The following CACNB2 variants were observed in gnomAD, a reference collection of about 807,000 sequenced individuals.
The protein encoded by CACNB2 is voltage-dependent L-type calcium channel subunit beta-2.
A neutral mutation model predicts 73.3 loss-of-function variants in CACNB2; 42 were observed. The observed-to-expected ratio is 0.57, with a 90% CI of 0.45 to 0.74. The LOEUF is 0.74. Among genes scored for constraint, CACNB2 ranks in the 30% least tolerant of loss-of-function variants. CACNB2 has a pLI of 0.00. For missense variants in CACNB2, 940 were observed against 853.0 expected (o/e 1.10, Z -1.27); for synonymous variants, 348 against 310.3 (o/e 1.12, Z -1.28).
At chr10:18,157,988 G>C (rs2032183762) in intron 2 of CACNB2, among the ~76,000 whole-genome samples, 1 of 152,046 alleles carries the variant, frequency 6.6e-6, no homozygotes, top group African/African-American at 2.4e-5. Context: ...TTGTGATACT[G>C]TTTGGCATCC....
rs1433865085 is a variant in CACNB2, at chr10:18,382,691, C to T, written c.214-19233C>T. Among the ~76,000 whole-genome samples the T allele has an allele frequency of 2.6e-5, 4 of 152,236 alleles. No homozygotes were observed. The South Asian group carries it at 8.3e-4, about 32-fold the overall frequency. On this transcript the variant is annotated intron_variant, in intron 2 of 13. Coordinates refer to ENST00000324631, the MANE Select transcript of CACNB2 (RefSeq NM_201596.3). ...TGCTGAGGATCATGGCTTCTAGCTC[C>T]ATCCATGTCCCTGCAAAGGACATGA...
chr10:18,192,438 C>T (rs1249010498), intron 2 of CACNB2, among the ~76,000 whole-genome samples: 1 of 152,120 alleles, frequency 6.6e-6, no homozygotes, highest in Admixed American at 6.6e-5. Context: ...GCCGCCAACT[C>T]CTGGGCTCAA....
intron 2 of CACNB2, among the ~76,000 whole-genome samples, chr10:18,214,980 A>G (rs1040856357): frequency 9.8e-5 from 15 of 152,318 alleles, no homozygotes; most frequent in African/African-American, 3.6e-4. Context: ...AGTAATACGA[A>G]TTATTTACAT....
chr10:18,436,330 T>C (rs1339448800), intron 3 of CACNB2, among the ~76,000 whole-genome samples: 1 of 152,200 alleles, frequency 6.6e-6, no homozygotes, highest in Non-Finnish European at 1.5e-5. Flanking sequence ...ACCCAGAAAT[T>C]TTGGCAAGAA....
intron 2 of CACNB2, among the ~76,000 whole-genome samples, chr10:18,152,554 G>A (rs2031652941): frequency 6.6e-6 from 1 of 151,756 alleles, no homozygotes; most frequent in Non-Finnish European, 1.5e-5. Context: ...AGGGCCTTGG[G>A]ACATAGTGAC....
chr10:18,232,780 C>G (rs1239127832), intron 2 of CACNB2, among the ~76,000 whole-genome samples: 1 of 152,056 alleles, frequency 6.6e-6, no homozygotes, highest in African/African-American at 2.4e-5. Flanking sequence ...TCCAAATATC[C>G]CAGTATCTTT....
In CACNB2 at chr10:18,276,845, C is replaced by A. The variant is rs2038312767; in HGVS notation, c.214-125079C>A. Reference sequence around the variant, plus strand: ...CCACCCACTTCAGCCTCCCAAAGCGCTAGGATTAAAGGCGTGAGCCACCAC... The same window carrying A: ...CCACCCACTTCAGCCTCCCAAAGCGATAGGATTAAAGGCGTGAGCCACCAC... On this transcript the variant is annotated intron_variant, in intron 2 of 13. Transcript: ENST00000324631. Among the ~76,000 whole-genome samples the A allele has an allele frequency of 1.3e-5, 2 of 152,168 alleles. 1 individual carries two copies. The highest frequency in any genetic ancestry group is 3.9e-4 in the East Asian group (2 of 5,186).
chr10:18,263,546 G>T (rs2037653778), intron 2 of CACNB2, among the ~76,000 whole-genome samples: 1 of 152,116 alleles, frequency 6.6e-6, no homozygotes, highest in Admixed American at 6.5e-5. Flanking sequence ...TGATAAATAT[G>T]CACCTGTGTG....
intron 5 of CACNB2, among the ~76,000 whole-genome samples, chr10:18,501,301 GC>G (rs1196395476): frequency 6.6e-5 from 10 of 152,238 alleles, no homozygotes; most frequent in African/African-American, 2.4e-4. Context: ...GTCTGTAGCT[GC>G]CTGGTATGGC....
intron 2 of CACNB2, among the ~76,000 whole-genome samples, chr10:18,343,165 G>C (rs1182433170): frequency 6.6e-6 from 1 of 152,098 alleles, no homozygotes; most frequent in African/African-American, 2.4e-5. Context: ...TATGAATCCT[G>C]GTATCATTGC....
intron 7 of CACNB2, among the ~76,000 whole-genome samples, chr10:18,517,371 C>G (rs1281836495): frequency 6.6e-6 from 1 of 152,050 alleles, no homozygotes; most frequent in Non-Finnish European, 1.5e-5. Context: ...TTGCTGTTAC[C>G]TAATTTTTGG....
At chr10:18,257,695 G>C (rs7085933) in intron 2 of CACNB2, among the ~76,000 whole-genome samples, 114,344 of 152,020 alleles carry the variant, frequency 0.75, 43,277 homozygotes, top group East Asian at 0.97. Context: ...TTCCAGGGAT[G>C]GTTAGGAGTT....
chr10:18,377,899 T>G (rs2042866531), intron 2 of CACNB2, among the ~76,000 whole-genome samples: 1 of 152,236 alleles, frequency 6.6e-6, no homozygotes, highest in Non-Finnish European at 1.5e-5. Flanking sequence ...AGATGTTACA[T>G]TTAAATTTTT....
chr10:18,217,884 C>T (rs12248794), intron 2 of CACNB2, among the ~76,000 whole-genome samples: 11,874 of 152,042 alleles, frequency 0.078, 653 homozygotes, highest in African/African-American at 0.15. Context: ...GAAATGCTTG[C>T]CCCTGCGTTA....
At chr10:18,395,743 G>A (rs748817843) in intron 2 of CACNB2, among the ~76,000 whole-genome samples, 1 of 152,164 alleles carries the variant, frequency 6.6e-6, no homozygotes, top group African/African-American at 2.4e-5. Context: ...CTGCAGCGAT[G>A]TATTGCTATC....
intron 3 of CACNB2, among the ~76,000 whole-genome samples, chr10:18,464,077 A>G (rs939656366): frequency 5.3e-5 from 8 of 151,792 alleles, no homozygotes; most frequent in Non-Finnish European, 8.8e-5. Context: ...GGCCTTCACA[A>G]TCGTTGAACC....
chr10:18,446,716 CAAG>C (rs1269942021), intron 3 of CACNB2, among the ~76,000 whole-genome samples: 7 of 152,206 alleles, frequency 4.6e-5, no homozygotes, highest in Admixed American at 1.3e-4. Flanking sequence ...TGTGACACTC[CAAG>C]AAGAAGATGG....
At chr10:18,444,033 G>T (rs1034949106) in intron 3 of CACNB2, among the ~76,000 whole-genome samples, 2 of 152,050 alleles carry the variant, frequency 1.3e-5, no homozygotes, top group African/African-American at 4.8e-5. Flanking sequence ...TCTTAGACTA[G>T]ACCCTGAAAA....
chr10:18,150,855 C>CTTTTTTTTGTTT, intron 1 of CACNB2, 28 bp from the exon 2 acceptor site: 2 of 483,392 alleles, frequency 4.1e-6, no homozygotes, highest in East Asian at 5.6e-5. Flanking sequence ...TCTTATTTGT[C>CTTTTTTTTGTTT]TTTTTTTTTT....
Sources: allele counts gnomAD v4.1 joint callset (sites outside exome capture counted in the v4.1 genomes callset), GRCh38; gene constraint gnomAD v4.1.1; transcripts MANE v1.5; gene names NCBI Gene and HGNC (gene_info 2026-07-23, HGNC 2026-07-21).